DIS3L2: variants seen among roughly 807,000 people sequenced by gnomAD.
The protein encoded by DIS3L2 is DIS3 like 3'-5' exoribonuclease 2.
DIS3L2 carries 34 observed loss-of-function variants against 97.5 expected under a neutral mutation model. The ratio of observed to expected loss-of-function variants is 0.35; its 90% CI spans 0.27 to 0.46. DIS3L2 has a LOEUF of 0.46. Among genes scored for constraint, DIS3L2 ranks in the 20% least tolerant of loss-of-function variants. The pLI is 1.00. For synonymous variants in DIS3L2, 435 were observed against 445.2 expected, an observed-to-expected ratio of 0.98 and a Z score of 0.29; for missense variants, 1,038 against 1,146.0, an observed-to-expected ratio of 0.91 and a Z score of 1.36.
In DIS3L2 at chr2:232,017,606, C is replaced by T. The variant is rs571139940; in HGVS notation, c.210+1935C>T. On this transcript the variant is annotated intron_variant, in intron 3 of 20. Transcript: ENST00000325385. ...CATAGGAGGACCCATTGTGCCTTTC[C>T]ATTCTTATCCTCCTGCACTCTCCTC... Among the ~76,000 whole-genome samples, 36 of 152,218 alleles carry T rather than the reference C, an allele frequency of 2.4e-4. 1 individual carries two copies. The South Asian group carries it at 6.2e-3, about 26-fold the overall frequency.
At chr2:232,148,892 A>G (rs948204868) in intron 8 of DIS3L2, among the ~76,000 whole-genome samples, 20 of 148,954 alleles carry the variant, frequency 1.3e-4, no homozygotes, top group African/African-American at 4.7e-4. Context: ...TATTAAAAAT[A>G]AGCTGTTTCT....
At chr2:232,291,477 C>T (rs1028011744) in intron 13 of DIS3L2, among the ~76,000 whole-genome samples, 2 of 152,252 alleles carry the variant, frequency 1.3e-5, no homozygotes, top group Admixed American at 6.5e-5. Flanking sequence ...CCCTGTAAGA[C>T]CCAGTGGACT....
chr2:232,343,126 C>G, intron 13 of DIS3L2: 1 of 545,476 alleles, frequency 1.8e-6, no homozygotes, highest in African/African-American at 1.9e-5. Flanking sequence ...CTGGAAGTAA[C>G]TGAAGGCCCC....
intron 14 of DIS3L2, among the ~76,000 whole-genome samples, chr2:232,300,722 G>A (rs962144939): frequency 7.6e-5 from 11 of 145,104 alleles, no homozygotes; most frequent in African/African-American, 1.8e-4. Flanking sequence ...TGATAGAATC[G>A]TGGCTCACTG....
chr2:232,002,845 G>A (rs549022689), intron 1 of DIS3L2, among the ~76,000 whole-genome samples: 5 of 152,158 alleles, frequency 3.3e-5, no homozygotes, highest in South Asian at 4.2e-4. Context: ...ACAAATGATC[G>A]TATGTGTGTG....
At chr2:232,145,384 C>G (rs1690190604) in intron 8 of DIS3L2, among the ~76,000 whole-genome samples, 1 of 152,098 alleles carries the variant, frequency 6.6e-6, no homozygotes, top group Admixed American at 6.6e-5. Context: ...TGCCATATCC[C>G]CTTATTCATT....
chr2:232,171,019 G>A (rs55917598), intron 9 of DIS3L2, among the ~76,000 whole-genome samples: 1,890 of 152,282 alleles, frequency 0.012, 17 homozygotes, highest in Non-Finnish European at 0.018. Flanking sequence ...GCCTTTAGAA[G>A]AAGGTTCCCC....
At chr2:232,061,080 A>G (rs1459195925) in intron 5 of DIS3L2, among the ~76,000 whole-genome samples, 1 of 152,190 alleles carries the variant, frequency 6.6e-6, no homozygotes, top group African/African-American at 2.4e-5. Flanking sequence ...ATATAAGATC[A>G]TATTATCTGC....
exon 14 of DIS3L2, chr2:232,343,354 G>C: frequency 6.4e-7 from 1 of 1,555,614 alleles, no homozygotes; most frequent in Non-Finnish European, 8.7e-7. Context: ...GCAGAACGCA[G>C]ACAAGGATGG....
downstream of DIS3L2, among the ~76,000 whole-genome samples, chr2:232,338,115 C>G (rs1387680549): frequency 6.6e-6 from 1 of 152,064 alleles, no homozygotes; most frequent in Admixed American, 6.5e-5. Flanking sequence ...CCCAGGCAGC[C>G]TGACTGTGAG....
chr2:232,166,769 C>T (rs1472759223), intron 9 of DIS3L2, among the ~76,000 whole-genome samples: 1 of 151,648 alleles, frequency 6.6e-6, no homozygotes, highest in African/African-American at 2.4e-5. Flanking sequence ...ACCTATAATC[C>T]CAGCATTTGG....
chr2:232,031,511 T>TA (rs984775297), intron 5 of DIS3L2, among the ~76,000 whole-genome samples: 2 of 150,944 alleles, frequency 1.3e-5, no homozygotes, highest in African/African-American at 4.9e-5. Flanking sequence ...TTTTTTTTTT[T>TA]ATATTATACC....
At chr2:232,036,599 A>C (rs190180987) in intron 5 of DIS3L2, among the ~76,000 whole-genome samples, 3 of 152,248 alleles carry the variant, frequency 2.0e-5, no homozygotes, top group Non-Finnish European at 2.9e-5. Context: ...GAGAAGAGGC[A>C]TTCTGGTTTT....
chr2:232,342,272 CATAT>C (rs201531004), intron 13 of DIS3L2, among the ~76,000 whole-genome samples: 1,717 of 151,768 alleles, frequency 0.011, 33 homozygotes, highest in African/African-American at 0.039. Flanking sequence ...TACACATATA[CATAT>C]ATACACATAT....
At chr2:232,340,627 G>T (rs2106361020), downstream of DIS3L2, 1 of 462,692 alleles carries the variant, frequency 2.2e-6, no homozygotes, top group Non-Finnish European at 4.5e-6. Flanking sequence ...GGATAGCCAG[G>T]CCCTCCCCAT....
At chr2:232,200,941 G>A (rs1188915823) in intron 9 of DIS3L2, among the ~76,000 whole-genome samples, 2 of 151,868 alleles carry the variant, frequency 1.3e-5, no homozygotes, top group East Asian at 1.9e-4. Context: ...CGACCACCAC[G>A]CCTGGCTATT....
chr2:232,285,758 G>T (rs981237013), intron 13 of DIS3L2, among the ~76,000 whole-genome samples: 4 of 150,686 alleles, frequency 2.7e-5, no homozygotes, highest in Admixed American at 2.0e-4. Context: ...TAGGAGCAGT[G>T]ATACCTGGAC....
chr2:232,087,402 C>G, intron 5 of DIS3L2, 85 bp from the exon 6 acceptor site: 1 of 964,134 alleles, frequency 1.0e-6, no homozygotes, highest in Non-Finnish European at 1.5e-6. Flanking sequence ...TCTGAATATG[C>G]AGTTTCTTCC....
chr2:232,211,705 A>G (rs1333398352), intron 10 of DIS3L2, among the ~76,000 whole-genome samples: 2 of 152,206 alleles, frequency 1.3e-5, no homozygotes, highest in Non-Finnish European at 2.9e-5. Context: ...CTGACACAGA[A>G]CGCCGTAGGT....
Sources: gnomAD v4.1 joint callset for allele counts (sites outside exome capture counted in the v4.1 genomes callset) on GRCh38, gnomAD v4.1.1 for gene constraint, MANE v1.5 for transcripts, NCBI Gene and HGNC (gene_info 2026-07-23, HGNC 2026-07-21) for gene names.